The following MAP2 variants were observed in gnomAD, a reference collection of about 807,000 sequenced individuals.
The protein encoded by MAP2 is microtubule associated protein 2, also known as microtubule-associated protein 2.
MAP2 carries 14 observed loss-of-function variants against 137.6 expected under a neutral mutation model. The ratio of observed to expected loss-of-function variants is 0.10; its 90% CI spans 0.07 to 0.16. The LOEUF (loss-of-function observed/expected upper bound fraction) is 0.16. MAP2 is among the 10% of genes least tolerant of loss of function. MAP2 has a pLI of 1.00. For synonymous variants in MAP2, 786 were observed against 782.3 expected, an observed-to-expected ratio of 1.00 and a Z score of -0.08; for missense variants, 2,088 against 2,191.5, an observed-to-expected ratio of 0.95 and a Z score of 0.94.
intron 1 of MAP2, among the ~76,000 whole-genome samples, chr2:209,480,404 A>G (rs1305036468): frequency 3.3e-5 from 5 of 152,142 alleles, no homozygotes; most frequent in African/African-American, 9.7e-5. Flanking sequence ...TTAATTTTGA[A>G]TAGTGTTGAA....
intron 1 of MAP2, among the ~76,000 whole-genome samples, chr2:209,442,217 G>A (rs949019545): frequency 6.6e-6 from 1 of 151,528 alleles, no homozygotes; most frequent in Non-Finnish European, 1.5e-5. Flanking sequence ...AGATGTCCTA[G>A]TATGTGATGA....
intron 4 of MAP2, among the ~76,000 whole-genome samples, chr2:209,649,663 GAA>G (rs1052355806): frequency 6.6e-6 from 1 of 152,106 alleles, no homozygotes; most frequent in African/African-American, 2.4e-5. Flanking sequence ...ATTTTAGTTT[GAA>G]ATCTCCTAAA....
intron 3 of MAP2, among the ~76,000 whole-genome samples, chr2:209,620,198 A>G (rs1301236109): frequency 6.6e-6 from 1 of 152,186 alleles, no homozygotes; most frequent in Non-Finnish European, 1.5e-5. Flanking sequence ...ACCTACTTGT[A>G]TACTATTTTT....
chr2:209,541,568 T>C (rs775509779), intron 2 of MAP2, among the ~76,000 whole-genome samples: 8 of 151,802 alleles, frequency 5.3e-5, no homozygotes, highest in Non-Finnish European at 8.8e-5. Flanking sequence ...AACGTCAAAT[T>C]TGGAGTCAAT....
chr2:209,594,371 GT>G (rs1164276945), intron 3 of MAP2, among the ~76,000 whole-genome samples: 2 of 152,094 alleles, frequency 1.3e-5, no homozygotes, highest in East Asian at 3.9e-4. Flanking sequence ...AAGAAGAAGG[GT>G]CTCAAATGTT....
At chr2:209,610,285 G>A (rs2086367863) in intron 3 of MAP2, among the ~76,000 whole-genome samples, 1 of 152,052 alleles carries the variant, frequency 6.6e-6, no homozygotes, top group African/African-American at 2.4e-5. Context: ...GGAGAGGGTA[G>A]GGGAAGCATG....
rs1213954394 is a variant in MAP2, at chr2:209,732,716, G to A, written c.*2319G>A. On this transcript the variant is annotated 3_prime_UTR_variant, in exon 16 of 16. Transcript: ENST00000682079. ...AAGTTTTTATATAAGTTAACACTAG[G>A]TAAACATTCTGCATACTAGAAGTCA... is the stretch of plus-strand genomic sequence containing the variant. 1 of 152,412 alleles carries A rather than the reference G, an allele frequency of 6.6e-6. No individual in the cohort carries two copies. The highest frequency in any genetic ancestry group is 1.5e-5 in the Non-Finnish European group (1 of 68,004). The allele number at this position is 152,412 out of a possible 1,614,324, so 9.4% of individuals were successfully genotyped here.
intron 1 of MAP2, among the ~76,000 whole-genome samples, chr2:209,445,282 C>T (rs1204060970): frequency 6.6e-6 from 1 of 151,580 alleles, no homozygotes; most frequent in African/African-American, 2.4e-5. Context: ...TTTACGTTCA[C>T]CTTTATTTTT....
chr2:209,692,956 A>G lies in MAP2; in HGVS notation c.786A>G (p.Gln262=), dbSNP rs1447321336. 6.2e-7 allele frequency: 1 copy of G among 1,614,066 alleles called. No homozygotes were observed. Among genetic ancestry groups the G allele is most frequent in the Non-Finnish European group, 8.5e-7 (1 of 1,179,980 alleles). Residue 262 remains glutamine (Q), a synonymous_variant, in exon 8 of 16, where the codon CAA becomes CAG. Coordinates refer to ENST00000682079, the MANE Select transcript of MAP2 (RefSeq NM_001375505.1). ...AAGAGCCTCCAACTCCAAAAGAACA[A>G]AAGGACTGGTTCATCGAAATGCCAA... ...LPKEPPTPKE[Q]KDWFIEMPTE... is the part of the protein sequence containing the mutation.
chr2:209,456,324 C>T (rs1444445449), intron 1 of MAP2, among the ~76,000 whole-genome samples: 6 of 152,116 alleles, frequency 3.9e-5, no homozygotes. Context: ...TGTCACTGTT[C>T]TAAACCTTCA....
In MAP2 at chr2:209,535,439, C is replaced by T. The variant is rs531290989; in HGVS notation, c.-172+27798C>T. ...TGATCCCTGCAAAGCTTTAAGAACA[C>T]TTTTCACTACTTCAGAGATGTCCAT... On this transcript the variant is annotated intron_variant, in intron 2 of 15. Transcript: ENST00000682079. Among the ~76,000 whole-genome samples, 11 of 152,316 alleles carry T rather than the reference C, an allele frequency of 7.2e-5. 1 individual carries two copies. In the South Asian group the frequency reaches 2.3e-3, roughly 32 times the overall value.
intron 2 of MAP2, among the ~76,000 whole-genome samples, chr2:209,530,127 C>A (rs1455777466): frequency 1.3e-5 from 2 of 152,014 alleles, no homozygotes; most frequent in African/African-American, 4.8e-5. Flanking sequence ...ATGCAACTTC[C>A]ATTTTGTTTC....
intron 7 of MAP2, among the ~76,000 whole-genome samples, chr2:209,684,474 A>G: frequency 6.6e-6 from 1 of 152,234 alleles, no homozygotes; most frequent in Non-Finnish European, 1.5e-5. Flanking sequence ...TGATGCCACA[A>G]CAAGCAAAAA....
At chr2:209,659,253 A>G (rs2042312324) in intron 5 of MAP2, among the ~76,000 whole-genome samples, 1 of 151,418 alleles carries the variant, frequency 6.6e-6, no homozygotes, top group African/African-American at 2.4e-5. Context: ...AGATGAGTGT[A>G]TTTTTTTTTC....
chr2:209,655,043 A>G lies in MAP2; in HGVS notation c.262+1611A>G, dbSNP rs1408182526. Among the ~76,000 whole-genome samples, 6 of 152,170 alleles carry G rather than the reference A, an allele frequency of 3.9e-5. No individual in the cohort carries two copies. The South Asian group carries it at 1.0e-3, about 26-fold the overall frequency. Reference sequence around the variant, plus strand: ...GCAGTAAAAACCAACACCATTCACTATTTCATCTGTTCAGTGGTCTTAAGT... The same window carrying G: ...GCAGTAAAAACCAACACCATTCACTGTTTCATCTGTTCAGTGGTCTTAAGT... On this transcript the variant is annotated intron_variant, in intron 5 of 15. Coordinates refer to ENST00000682079, the MANE Select transcript of MAP2 (RefSeq NM_001375505.1).
chr2:209,723,276 G>A lies in MAP2; in HGVS notation c.5074-2433G>A, dbSNP rs1370199500. Reference sequence around the variant, plus strand: ...ACCTAGAGTGAGCCTGAGTCCCAGTGTTGCTGACAACATTGGTAGCCTCCC... The same window carrying A: ...ACCTAGAGTGAGCCTGAGTCCCAGTATTGCTGACAACATTGGTAGCCTCCC... On this transcript the variant is annotated intron_variant, in intron 13 of 15. Transcript: ENST00000682079. 3.3e-5 allele frequency among the ~76,000 whole-genome samples: 5 copies of A among 152,200 alleles called. 1 individual carries two copies. The highest frequency in any genetic ancestry group is 7.3e-5 in the Non-Finnish European group (5 of 68,034).
intron 4 of MAP2, among the ~76,000 whole-genome samples, chr2:209,636,495 G>C (rs984937372): frequency 6.6e-6 from 1 of 151,742 alleles, no homozygotes; most frequent in Admixed American, 6.6e-5. Flanking sequence ...GAATTCAAGA[G>C]AGAACTTTAT....
rs770938168 is a variant in MAP2 at position 209,693,674 on chromosome 2, A to C, written c.1504A>C (p.Ser502Arg). Residue 502 changes from serine (S) to arginine (R), a missense_variant, in exon 8 of 16, where the codon AGT becomes CGT. By Grantham distance (110) the Ser-to-Arg change is moderately radical. Around this residue, in one of 6 missense-constraint regions of MAP2, gnomAD observed 859 missense variants for 794.5 expected, o/e 1.08. Coordinates refer to ENST00000682079, the MANE Select transcript of MAP2 (RefSeq NM_001375505.1). ...DMLKQDSFPV[S>R]LEQAVTDSAM... is the part of the protein sequence containing the mutation. The stretch of plus-strand genomic sequence containing the variant: ...GTTGAAACAGGACTCGTTCCCTGTA[A>C]GTTTGGAGCAAGCAGTTACAGATTC... 8 of 1,613,630 alleles carry C rather than the reference A, an allele frequency of 5.0e-6. No individual in the cohort carries two copies. The highest frequency in any genetic ancestry group is 1.7e-5 in the Admixed American group (1 of 59,962).
At chr2:209,563,063 A>T (rs75874932) in intron 2 of MAP2, among the ~76,000 whole-genome samples, 1 of 152,138 alleles carries the variant, frequency 6.6e-6, no homozygotes, top group Non-Finnish European at 1.5e-5. Flanking sequence ...TAGAGGACTG[A>T]GATGCCAGAC....
Sources: gnomAD v4.1 joint callset for allele counts (sites outside exome capture counted in the v4.1 genomes callset) on GRCh38, gnomAD v4.1.1 for gene constraint, gnomAD v4.1.1 regional missense constraint, MANE v1.5 for transcripts, NCBI Gene and HGNC (gene_info 2026-07-23, HGNC 2026-07-21) for gene names.